The following NOP58 variants were observed in gnomAD, a reference collection of about 807,000 sequenced individuals.
NOP58 encodes the protein NOP58 ribonucleoprotein.
NOP58 carries 44 observed loss-of-function variants against 71.2 expected under a neutral mutation model. The ratio of observed to expected loss-of-function variants is 0.62; its 90% confidence interval spans 0.49 to 0.79. The LOEUF (loss-of-function observed/expected upper bound fraction) is 0.79, where lower values mean the gene tolerates loss of function less well. Ranked by LOEUF, NOP58 falls within the 30% of genes least tolerant of loss-of-function variation. The pLI is 0.00. For synonymous variants in NOP58, 228 were observed against 200.3 expected (o/e 1.14, Z -1.17); for missense variants, 538 against 620.2 (o/e 0.87, Z 1.41).
At chr2:202,291,340 A>C in intron 8 of NOP58, 70 bp downstream of exon 8, 1 of 1,224,182 alleles carries the variant, frequency 8.2e-7, no homozygotes, top group South Asian at 1.6e-5. Flanking sequence ...TCTGATGGCA[A>C]TGATGATTTT....
Position 202,297,476 on chromosome 2 carries a change from A to T in NOP58, c.1169A>T (p.Lys390Ile). ...SSAMGVENRA[K>I]LEARLRTLED... is the part of the protein sequence containing the mutation. ...GCAATGGGAGTTGAGAACAGAGCCA[A>T]ATTAGAGGCCAGGTTGAGAACTTTG... Residue 390 changes from lysine (K) to isoleucine (I), a missense_variant, in exon 11 of 15, where the codon AAA becomes ATA. Physicochemically the swap from Lys to Ile is moderately radical, Grantham distance 102 (BLOSUM62 -3). Coordinates refer to ENST00000264279, the MANE Select transcript of NOP58 (RefSeq NM_015934.5). 3.7e-6 allele frequency: 6 copies of T among 1,614,024 alleles called. No individual in the cohort carries two copies. The highest frequency in any genetic ancestry group is 5.1e-6 in the Non-Finnish European group (6 of 1,179,916).
At chr2:202,284,007 C>T (rs754932449) in intron 4 of NOP58, among the ~76,000 whole-genome samples, 22 of 152,086 alleles carry the variant, frequency 1.4e-4, no homozygotes, top group Non-Finnish European at 3.1e-4. Flanking sequence ...TCAGGCTGGG[C>T]GCGGTGGCTC....
intron 1 of NOP58, among the ~76,000 whole-genome samples, chr2:202,267,013 G>A (rs1425529224): frequency 1.3e-5 from 2 of 152,050 alleles, no homozygotes; most frequent in Non-Finnish European, 2.9e-5. Flanking sequence ...TCAGTTTGAG[G>A]TTTGGTTGTT....
At chr2:202,297,547 T>TA in intron 11 of NOP58, 34 bp downstream of exon 11, 1 of 1,592,234 alleles carries the variant, frequency 6.3e-7, no homozygotes, top group Non-Finnish European at 8.6e-7. Flanking sequence ...CCAGAAGTAT[T>TA]ACTTGTCAAA....
rs111809438 is a variant in NOP58, at chr2:202,291,830, G to A, written c.780+560G>A. Among the ~76,000 whole-genome samples, 538 of 102,348 alleles carry A rather than the reference G, an allele frequency of 5.3e-3. 5 individuals carry two copies. Among genetic ancestry groups the A allele is most frequent in the African/African-American group, 0.023 (514 of 22,764 alleles). 67.1% of individuals were successfully genotyped at this position (102,348 alleles called of 152,430 possible). On this transcript the variant is annotated intron_variant, in intron 8 of 14. Coordinates refer to ENST00000264279, the MANE Select transcript of NOP58 (RefSeq NM_015934.5). ...TCAAAAAAAAAAAAAAAAAAAAAAA[G>A]GATGGCAGACAATTATGGATTGAGC...
intron 1 of NOP58, 22 bp from the exon 2 acceptor site, chr2:202,275,091 C>A: frequency 1.7e-6 from 2 of 1,210,766 alleles, no homozygotes; most frequent in Non-Finnish European, 2.4e-6. Context: ...TTAAATAAAA[C>A]TATTTAAACA....
intron 10 of NOP58, among the ~76,000 whole-genome samples, chr2:202,297,025 G>A (rs544799374): frequency 4.6e-5 from 7 of 152,260 alleles, no homozygotes; most frequent in South Asian, 2.1e-4. Context: ...GAGCCACCGC[G>A]CTCGGCCAGA....
At chr2:202,299,540 A>T (rs2105857764) in intron 12 of NOP58, among the ~76,000 whole-genome samples, 1 of 152,306 alleles carries the variant, frequency 6.6e-6, no homozygotes, top group South Asian at 2.1e-4. Flanking sequence ...ACCTAAAAAA[A>T]TTAAATAGTC....
chr2:202,278,320 A>G (rs766261220), intron 3 of NOP58: 14 of 501,092 alleles, frequency 2.8e-5, no homozygotes, highest in Non-Finnish European at 5.7e-5. Flanking sequence ...GTGTTCTACA[A>G]GGGACCAAGG....
At chr2:202,296,878 C>T (rs753554637) in intron 10 of NOP58, among the ~76,000 whole-genome samples, 4 of 152,002 alleles carry the variant, frequency 2.6e-5, no homozygotes, top group East Asian at 1.9e-4. Flanking sequence ...GGACTACAGG[C>T]GCCCGGCACC....
rs769873812 is a variant in NOP58, at chr2:202,290,447, A to G, written c.624A>G (p.Leu208=). ...ISDNLTYCKC[L]QKVGDRKNYA... ...ATAATTTAACATACTGCAAGTGTTT[A>G]CAGAAAGTTGGTGAGTAATTTGTTC... The change falls in exon 7 of 15, where the codon TTA becomes TTG. Residue 208 remains leucine (L), a synonymous_variant. Coordinates refer to ENST00000264279, the MANE Select transcript of NOP58 (RefSeq NM_015934.5). The G allele has an allele frequency of 1.2e-5, 19 of 1,608,576 alleles. No individual in the cohort carries two copies. Among genetic ancestry groups the G allele is most frequent in the Non-Finnish European group, 1.6e-5 (19 of 1,178,264 alleles).
At chr2:202,292,476 A>G (rs983052589) in intron 8 of NOP58, among the ~76,000 whole-genome samples, 1 of 152,020 alleles carries the variant, frequency 6.6e-6, no homozygotes, top group Admixed American at 6.6e-5. Flanking sequence ...GTCTCTACTA[A>G]AAATACAAAA....
At chr2:202,300,434 C>T (rs921118362) in intron 13 of NOP58, 67 bp downstream of exon 13, 2 of 1,322,718 alleles carry the variant, frequency 1.5e-6, no homozygotes, top group Non-Finnish European at 1.0e-6. Flanking sequence ...TTTTGTGAGT[C>T]TTAAAAGTAC....
intron 10 of NOP58, among the ~76,000 whole-genome samples, chr2:202,296,671 C>G (rs1484829442): frequency 6.6e-6 from 1 of 151,944 alleles, no homozygotes; most frequent in Non-Finnish European, 1.5e-5. Flanking sequence ...ATAAAGCGTT[C>G]AATAAAATAA....
At chr2:202,279,965 A>G (rs1220631271) in intron 3 of NOP58, among the ~76,000 whole-genome samples, 1 of 152,190 alleles carries the variant, frequency 6.6e-6, no homozygotes, top group Non-Finnish European at 1.5e-5. Context: ...TATAATAAAT[A>G]TTTTGGGGAA....
chr2:202,283,761 G>A (rs1688747307), intron 4 of NOP58, among the ~76,000 whole-genome samples: 1 of 151,966 alleles, frequency 6.6e-6, no homozygotes, highest in African/African-American at 2.4e-5. Flanking sequence ...TTAAAAAGAA[G>A]CTAAATAACA....
intron 9 of NOP58, among the ~76,000 whole-genome samples, chr2:202,294,908 T>C (rs972570003): frequency 6.6e-6 from 1 of 150,998 alleles, no homozygotes; most frequent in African/African-American, 2.4e-5. Context: ...GAGGATGCAG[T>C]GAGCCAAGAT....
intron 1 of NOP58, among the ~76,000 whole-genome samples, chr2:202,273,167 A>T (rs1305456592): frequency 6.6e-6 from 1 of 152,194 alleles, no homozygotes; most frequent in Non-Finnish European, 1.5e-5. Flanking sequence ...CACCATTCTA[A>T]AACTGAAGTT....
rs746281592 is a variant in NOP58, at chr2:202,297,504, A to T, written c.1197A>T (p.Glu399Asp). Reference protein sequence around the residue: ...AKLEARLRTLEDRGIRKISGT... With the variant: ...AKLEARLRTLDDRGIRKISGT... ...TAGAGGCCAGGTTGAGAACTTTGGA[A>T]GACAGAGGGGTAAGAACTACATCAT... is the stretch of plus-strand genomic sequence containing the variant. The change falls in exon 11 of 15, where the codon GAA becomes GAT. Residue 399 changes from glutamate to aspartate, a missense_variant. By Grantham distance (45) the Glu-to-Asp change is conservative. Transcript: ENST00000264279. 1.9e-6 allele frequency: 3 copies of T among 1,613,884 alleles called. No individual in the cohort carries two copies. The South Asian group carries it at 3.3e-5, about 18-fold the overall frequency.
Sources: gnomAD v4.1 joint callset for allele counts (sites outside exome capture counted in the v4.1 genomes callset) on GRCh38, gnomAD v4.1.1 for gene constraint, MANE v1.5 for transcripts, NCBI Gene and HGNC (gene_info 2026-07-23, HGNC 2026-07-21) for gene names.